The following THSD4 variants were observed in gnomAD, a reference collection of about 807,000 sequenced individuals.
THSD4 encodes thrombospondin type 1 domain containing 4, also known as thrombospondin type-1 domain-containing protein 4.
Under a neutral mutation model 119.0 loss-of-function variants are expected in THSD4, and 69 were observed. The ratio of observed to expected loss-of-function variants is 0.58; its 90% CI spans 0.48 to 0.71. The LOEUF is 0.71. Among genes scored for constraint, THSD4 ranks in the 30% least tolerant of loss-of-function variants. The pLI, the probability that THSD4 is intolerant of heterozygous loss-of-function variation, is 0.00. For missense variants in THSD4, 1,393 were observed against 1,391.1 expected (o/e 1.00, Z -0.02); for synonymous variants, 524 against 540.4 (o/e 0.97, Z 0.42).
intron 7 of THSD4, among the ~76,000 whole-genome samples, chr15:71,576,977 A>G (rs963178513): frequency 6.6e-6 from 1 of 152,036 alleles, no homozygotes; most frequent in African/African-American, 2.4e-5. Flanking sequence ...GTGATATACA[A>G]TTACTTTTTA....
intron 7 of THSD4, among the ~76,000 whole-genome samples, chr15:71,600,953 G>T (rs1351833099): frequency 6.6e-6 from 1 of 151,924 alleles, no homozygotes; most frequent in African/African-American, 2.4e-5. Context: ...CACCATGTTG[G>T]TCAGGCTGGT....
At chr15:71,349,646 A>G (rs2045718522) in intron 6 of THSD4, among the ~76,000 whole-genome samples, 1 of 152,234 alleles carries the variant, frequency 6.6e-6, no homozygotes, top group Non-Finnish European at 1.5e-5. Context: ...CTCACAGGTT[A>G]AAAGTGGGCC....
In THSD4 at chr15:71,574,057, G is replaced by A. The variant is rs533044252; in HGVS notation, c.1153-86473G>A. Among the ~76,000 whole-genome samples the A allele has an allele frequency of 2.2e-4, 34 of 152,330 alleles. No homozygotes were observed. In the South Asian group the frequency reaches 7.0e-3, roughly 32 times the overall value. On this transcript the variant is annotated intron_variant, in intron 7 of 17. Coordinates refer to ENST00000261862, the MANE Select transcript of THSD4 (RefSeq NM_024817.3). ...CATAATTTCAATTCTTGAGAAAGTA[G>A]CGCAGAACTTCTCTAGCTCACTACT... is the stretch of plus-strand genomic sequence containing the variant.
chr15:71,364,786 C>T (rs1455954730), intron 6 of THSD4, among the ~76,000 whole-genome samples: 1 of 152,172 alleles, frequency 6.6e-6, no homozygotes, highest in Non-Finnish European at 1.5e-5. Flanking sequence ...TAAAGCGTGT[C>T]TTGGTAAGGG....
At chr15:71,741,684 TACACACACACACACACACACACACACAC>T (rs56080459) in intron 11 of THSD4, among the ~76,000 whole-genome samples, 1 of 145,724 alleles carries the variant, frequency 6.9e-6, no homozygotes, top group Admixed American at 6.8e-5. Context: ...TGTGTGCATG[TACACACACACACACACACACACACACAC>T]ACACACACAC....
chr15:71,757,606 T>C (rs1035143489), intron 14 of THSD4, among the ~76,000 whole-genome samples: 1 of 70,966 alleles, frequency 1.4e-5, no homozygotes, highest in Non-Finnish European at 3.1e-5. Context: ...AAGCTGAATA[T>C]ATTTTTGAAA....
intron 1 of THSD4, among the ~76,000 whole-genome samples, chr15:71,132,154 T>TG (rs1258378777): frequency 1.3e-5 from 2 of 152,250 alleles, no homozygotes; most frequent in Non-Finnish European, 2.9e-5. Flanking sequence ...GTTGATACAA[T>TG]TGTTTTTGAA....
intron 7 of THSD4, among the ~76,000 whole-genome samples, chr15:71,588,150 C>T (rs1345577823): frequency 6.6e-6 from 1 of 151,002 alleles, no homozygotes; most frequent in Non-Finnish European, 1.5e-5. Context: ...ACTAAAAATA[C>T]AAAAAATTAG....
chr15:71,611,985 CT>C (rs1051096209), intron 7 of THSD4, among the ~76,000 whole-genome samples: 39 of 152,316 alleles, frequency 2.6e-4, no homozygotes, highest in African/African-American at 9.4e-4. Context: ...AGTGAGTACT[CT>C]TCGCCAAGAA....
At chr15:71,244,965 A>T (rs889158412) in intron 5 of THSD4, among the ~76,000 whole-genome samples, 1 of 152,198 alleles carries the variant, frequency 6.6e-6, no homozygotes, top group Admixed American at 6.5e-5. Flanking sequence ...CATTTAACTT[A>T]CATTTGTAAA....
At position 71,459,160 on chromosome 15, in the gene THSD4, C is replaced by CTTTTTTTTTT. The variant is rs372209662; in HGVS notation, c.1152+47346_1152+47355dup. Among the ~76,000 whole-genome samples, 783 of 128,792 alleles carry CTTTTTTTTTT rather than the reference C, an allele frequency of 6.1e-3. 15 individuals are homozygous for CTTTTTTTTTT. Among genetic ancestry groups the CTTTTTTTTTT allele is most frequent in the South Asian group, 0.025 (91 of 3,628 alleles). 84.5% of individuals were successfully genotyped at this position (128,792 alleles called of 152,430 possible). On this transcript the variant is annotated intron_variant, in intron 7 of 17. Transcript: ENST00000261862. ...CTTTTCTTTTTCATTTTCTTTTTTT[C>CTTTTTTTTTT]TTTTTTTTTTTTTTTTTTGACAGAG...
chr15:71,424,369 T>G (rs1446185986), intron 7 of THSD4, among the ~76,000 whole-genome samples: 1 of 152,120 alleles, frequency 6.6e-6, no homozygotes, highest in Non-Finnish European at 1.5e-5. Context: ...GGTTGATGTC[T>G]ACTCCCTTGG....
chr15:71,747,129 TA>T (rs2053355693), intron 13 of THSD4, 87 bp downstream of exon 13: 1 of 1,439,362 alleles, frequency 6.9e-7, no homozygotes, highest in Admixed American at 2.0e-5. Context: ...CTGAGATGGG[TA>T]ACCCTGAGTT....
chr15:71,114,002 C>T (rs183915465), upstream of THSD4, among the ~76,000 whole-genome samples: 1 of 151,990 alleles, frequency 6.6e-6, no homozygotes, highest in Admixed American at 6.5e-5. Flanking sequence ...TAATTTGGAC[C>T]CATGAGACTC....
In THSD4 at chr15:71,124,904, A is replaced by ATGGTGGTGTGCACCTGTGGTCCCAGC. The variant is rs374034493; in HGVS notation, c.-80+9234_-80+9259dup. On this transcript the variant is annotated intron_variant, in intron 1 of 17. Coordinates refer to ENST00000261862, the MANE Select transcript of THSD4 (RefSeq NM_024817.3). ...CAAAACATCAAACTATTAGCCAGGC[A>ATGGTGGTGTGCACCTGTGGTCCCAGC]TGGTGGTGTGCACCTGTGGTCCCAG... 2.6e-5 allele frequency among the ~76,000 whole-genome samples: 4 copies of ATGGTGGTGTGCACCTGTGGTCCCAGC among 151,960 alleles called. No homozygotes were observed. The South Asian group carries it at 6.2e-4, about 24-fold the overall frequency.
At chr15:71,293,849 G>A (rs983512484) in intron 6 of THSD4, among the ~76,000 whole-genome samples, 2 of 152,144 alleles carry the variant, frequency 1.3e-5, no homozygotes, top group Non-Finnish European at 2.9e-5. Flanking sequence ...TTAACTGGAA[G>A]TGGAAAGTCT....
intron 6 of THSD4, among the ~76,000 whole-genome samples, chr15:71,410,720 C>T (rs572853265): frequency 2.0e-5 from 3 of 152,164 alleles, no homozygotes; most frequent in African/African-American, 4.8e-5. Context: ...GATATAACTG[C>T]GTAGATATTA....
intron 6 of THSD4, among the ~76,000 whole-genome samples, chr15:71,401,911 A>G (rs1439136035): frequency 6.6e-6 from 1 of 152,226 alleles, no homozygotes; most frequent in Non-Finnish European, 1.5e-5. Flanking sequence ...ACCATGGAAT[A>G]CTATGCAGCC....
intron 7 of THSD4, among the ~76,000 whole-genome samples, chr15:71,658,656 A>T (rs1237901881): frequency 6.6e-6 from 1 of 152,188 alleles, no homozygotes; most frequent in African/African-American, 2.4e-5. Context: ...TGGAAATCAC[A>T]CATGGAAAAC....
Sources: gnomAD v4.1 joint callset for allele counts (sites outside exome capture counted in the v4.1 genomes callset) on GRCh38, gnomAD v4.1.1 for gene constraint, MANE v1.5 for transcripts, NCBI Gene and HGNC (gene_info 2026-07-23, HGNC 2026-07-21) for gene names.